Variants in RAB31 observed in about 807,000 individuals in gnomAD.
The protein encoded by RAB31 is ras-related protein Rab-31.
In RAB31, 21 loss-of-function variants were observed where a neutral mutation model predicts 25.6. The ratio of observed to expected loss-of-function variants is 0.82; its 90% CI spans 0.58 to 1.18. The LOEUF is 1.18. RAB31 is among the 50% of genes most tolerant of loss of function. The probability of loss-of-function intolerance (pLI) is 0.00; values close to 1 mark genes in which losing one functional copy is unlikely to be tolerated. For missense variants in RAB31, 196 were observed against 250.1 expected (o/e 0.78, Z 1.46); for synonymous variants, 87 against 84.0 (o/e 1.04, Z -0.20).
At chr18:9,716,937 T>TTTTCTTTCTTTC (rs2068047785) in intron 1 of RAB31, among the ~76,000 whole-genome samples, 1 of 149,064 alleles carries the variant, frequency 6.7e-6, no homozygotes, top group Non-Finnish European at 1.5e-5. Flanking sequence ...TTTCTTTTTT[T>TTTTCTTTCTTTC]TTTGGTAGAG....
chr18:9,843,818 G>T (rs997447551), intron 5 of RAB31, among the ~76,000 whole-genome samples: 3 of 152,246 alleles, frequency 2.0e-5, no homozygotes, highest in Non-Finnish European at 4.4e-5. Flanking sequence ...TGGGGCCATC[G>T]CCTTTAACAT....
intron 6 of RAB31, among the ~76,000 whole-genome samples, chr18:9,846,292 C>A (rs1282377266): frequency 6.6e-6 from 1 of 152,210 alleles, no homozygotes; most frequent in Non-Finnish European, 1.5e-5. Context: ...ACCTTATCAA[C>A]CAGAGCTGGT....
chr18:9,809,711 T>C (rs1171142185), intron 3 of RAB31, among the ~76,000 whole-genome samples: 1 of 152,256 alleles, frequency 6.6e-6, no homozygotes, highest in Non-Finnish European at 1.5e-5. Context: ...TCTTTAATTG[T>C]TAGACATTGA....
intron 1 of RAB31, among the ~76,000 whole-genome samples, chr18:9,741,392 A>AG (rs1433284728): frequency 1.3e-5 from 2 of 150,486 alleles, no homozygotes; most frequent in African/African-American, 4.9e-5. Context: ...AAAAAAAAAA[A>AG]AAAAAAAAAA....
chr18:9,831,228 G>T (rs1568190836), intron 5 of RAB31, among the ~76,000 whole-genome samples: 1 of 152,294 alleles, frequency 6.6e-6, no homozygotes, highest in Non-Finnish European at 1.5e-5. Context: ...GGCTTATGTT[G>T]TACTTTGGGT....
chr18:9,751,669 T>A (rs2068235689), intron 1 of RAB31, among the ~76,000 whole-genome samples: 1 of 152,230 alleles, frequency 6.6e-6, no homozygotes, highest in Middle Eastern at 3.2e-3. Context: ...GATTAAGTCA[T>A]GGTTAGACAT....
At chr18:9,830,252 A>T (rs2068670834) in intron 5 of RAB31, 1 of 151,984 alleles carries the variant, frequency 6.6e-6, no homozygotes, top group African/African-American at 2.4e-5. Flanking sequence ...GCCTCAAGGG[A>T]TCCTCCCACC....
rs1442025727 is a variant in RAB31 at position 9,860,496 on chromosome 18, T to C, written c.*1171T>C. The stretch of plus-strand genomic sequence containing the variant: ...CTTTTCAGATTCCCTGTCTGCTCAA[T>C]TAAAGATGTTTGAATCCAAAGGAAG... On this transcript the variant is annotated 3_prime_UTR_variant, in exon 7 of 7. Transcript: ENST00000578921. 1 of 152,188 alleles carries C rather than the reference T, an allele frequency of 6.6e-6. No individual in the cohort carries two copies. The highest frequency in any genetic ancestry group is 2.1e-4 in the South Asian group (1 of 4,826). 9.4% of individuals were successfully genotyped at this position (152,188 alleles called of 1,614,324 possible). A position where few individuals can be genotyped will look rare whatever the true frequency, so the allele number is the denominator to read the frequency against.
chr18:9,726,861 A>G (rs2068098336), intron 1 of RAB31, among the ~76,000 whole-genome samples: 1 of 152,214 alleles, frequency 6.6e-6, no homozygotes, highest in African/African-American at 2.4e-5. Flanking sequence ...ACCTGGGTCA[A>G]GAAATAATGT....
At chr18:9,830,228 G>A (rs904773140) in intron 5 of RAB31, 1 of 152,032 alleles carries the variant, frequency 6.6e-6, no homozygotes, top group African/African-American at 2.4e-5. Context: ...GCCAAGGCTG[G>A]TCTCAAACTT....
intron 3 of RAB31, among the ~76,000 whole-genome samples, chr18:9,802,199 A>G (rs1317327735): frequency 6.6e-6 from 1 of 152,206 alleles, no homozygotes; most frequent in Non-Finnish European, 1.5e-5. Context: ...CAGCTTGTAA[A>G]TATTTATCAA....
At chr18:9,834,884 T>C (rs2143114620) in intron 5 of RAB31, among the ~76,000 whole-genome samples, 1 of 152,348 alleles carries the variant, frequency 6.6e-6, no homozygotes, top group East Asian at 1.9e-4. Flanking sequence ...ATATTAATAT[T>C]AAGAACTACA....
chr18:9,734,944 A>G (rs1162056967), intron 1 of RAB31: 2 of 316,242 alleles, frequency 6.3e-6, no homozygotes, highest in Admixed American at 3.3e-5. Flanking sequence ...ACTTTATAGT[A>G]GCCCAGTTGC....
intron 1 of RAB31, among the ~76,000 whole-genome samples, chr18:9,710,340 A>G (rs953890721): frequency 6.6e-6 from 1 of 152,180 alleles, no homozygotes; most frequent in Admixed American, 6.5e-5. Context: ...CTGCTAATCT[A>G]TGAGTTCAGG....
intron 1 of RAB31, among the ~76,000 whole-genome samples, chr18:9,742,854 G>A (rs1335560184): frequency 6.6e-6 from 1 of 152,168 alleles, no homozygotes; most frequent in Non-Finnish European, 1.5e-5. Flanking sequence ...CAGAGGGGTG[G>A]AGCCACAACT....
At chr18:9,773,963 A>G (rs1273986747) in intron 1 of RAB31, among the ~76,000 whole-genome samples, 2 of 152,178 alleles carry the variant, frequency 1.3e-5, no homozygotes, top group African/African-American at 4.8e-5. Context: ...ACCTAGCCAT[A>G]TTTTAAATTT....
chr18:9,836,575 C>A (rs2068705456), intron 5 of RAB31, among the ~76,000 whole-genome samples: 1 of 152,228 alleles, frequency 6.6e-6, no homozygotes, highest in South Asian at 2.1e-4. Flanking sequence ...CATTCTCCAT[C>A]TTTAGCAGGC....
intron 5 of RAB31, among the ~76,000 whole-genome samples, chr18:9,832,239 A>G (rs1049099358): frequency 1.5e-4 from 23 of 152,134 alleles, no homozygotes; most frequent in African/African-American, 5.1e-4. Context: ...GTGGCCTCAC[A>G]TCACCCATGC....
intron 1 of RAB31, among the ~76,000 whole-genome samples, chr18:9,711,188 C>T (rs542403607): frequency 6.6e-6 from 1 of 151,924 alleles, no homozygotes; most frequent in South Asian, 2.1e-4. Context: ...CTCTCTCTCT[C>T]CTCTTTTTTG....
Sources: allele counts gnomAD v4.1 joint callset (sites outside exome capture counted in the v4.1 genomes callset), GRCh38; gene constraint gnomAD v4.1.1; transcripts MANE v1.5; gene names NCBI Gene and HGNC (gene_info 2026-07-23, HGNC 2026-07-21).